The following PCNX1 variants were observed in gnomAD, a reference collection of about 807,000 sequenced individuals.
PCNX1 encodes the protein pecanex 1, also known as pecanex-like protein 1.
In PCNX1, 78 loss-of-function variants were observed where a neutral mutation model predicts 242.2. The ratio of observed to expected loss-of-function variants is 0.32; its 90% confidence interval spans 0.27 to 0.39. PCNX1 has a LOEUF of 0.39. PCNX1 is among the 10% of genes least tolerant of loss of function. PCNX1 has a pLI of 1.00. For missense variants in PCNX1, 2,581 were observed against 2,856.5 expected (o/e 0.90, Z 2.20); for synonymous variants, 1,024 against 1,032.9 (o/e 0.99, Z 0.17).
intron 18 of PCNX1, among the ~76,000 whole-genome samples, chr14:71,035,008 A>G (rs1377628303): frequency 6.6e-6 from 1 of 152,202 alleles, no homozygotes; most frequent in African/African-American, 2.4e-5. Flanking sequence ...TCACATGTCA[A>G]AAGACCAATG....
At chr14:71,085,574 C>G (rs2061966804) in intron 28 of PCNX1, 1 of 153,906 alleles carries the variant, frequency 6.5e-6, no homozygotes, top group Admixed American at 6.5e-5. Flanking sequence ...AGTTCTCTCT[C>G]CCATCCAGAA....
At chr14:71,078,288 A>G (rs766789640) in intron 28 of PCNX1, among the ~76,000 whole-genome samples, 2 of 152,216 alleles carry the variant, frequency 1.3e-5, no homozygotes, top group Non-Finnish European at 2.9e-5. Context: ...CAACATTCCC[A>G]GAATAACCTT....
In PCNX1 at chr14:71,114,645, TGTTCTAA is replaced by T. The variant is rs879067841; in HGVS notation, c.*4712_*4718del. The stretch of plus-strand genomic sequence containing the variant: ...TCACCACAAGGTTATATGACAACTC[TGTTCTAA>T]GACTTATACCTATTATATAGGGTTA... On this transcript the variant is annotated 3_prime_UTR_variant, in exon 36 of 36. Coordinates refer to ENST00000304743, the MANE Select transcript of PCNX1 (RefSeq NM_014982.3). The T allele has an allele frequency of 1.3e-5, 2 of 152,612 alleles. No homozygotes were observed. Among genetic ancestry groups the T allele is most frequent in the South Asian group, 4.1e-4 (2 of 4,820 alleles). The allele number at this position is 152,612 out of a possible 1,614,324, so 9.5% of individuals were successfully genotyped here. A position where few individuals can be genotyped will look rare whatever the true frequency, so the allele number is the denominator to read the frequency against.
chr14:71,106,977 T>G lies in PCNX1; in HGVS notation c.6301+1537T>G, dbSNP rs181965481. Among the ~76,000 whole-genome samples, 7 of 152,300 alleles carry G rather than the reference T, an allele frequency of 4.6e-5. No homozygotes were observed. In the East Asian group the frequency reaches 1.3e-3, roughly 29 times the overall value. ...TGAGAACAACTTACTATTCATTTAT[T>G]TTATCATTAGTACTTTTTATGTCCT... On this transcript the variant is annotated intron_variant, in intron 33 of 35. Coordinates refer to ENST00000304743, the MANE Select transcript of PCNX1 (RefSeq NM_014982.3).
Position 70,907,958 on chromosome 14 carries a change from C to G in PCNX1, c.108C>G (p.Leu36=). ...CCACCTTCGTGAACGCGCTGCACCT[C>G]TACCTGTGGCTCTTTCTGCTGGGCC... ...HQATFVNALH[L]YLWLFLLGLP... Residue 36 remains leucine, a synonymous_variant, in exon 1 of 36, where the codon CTC becomes CTG. Coordinates refer to ENST00000304743, the MANE Select transcript of PCNX1 (RefSeq NM_014982.3). 6.3e-7 allele frequency: 1 copy of G among 1,598,272 alleles called. No homozygotes were observed. The highest frequency in any genetic ancestry group is 1.4e-5 in the African/African-American group (1 of 73,482).
At chr14:71,100,629 C>A (rs2062437513) in intron 30 of PCNX1, among the ~76,000 whole-genome samples, 1 of 152,104 alleles carries the variant, frequency 6.6e-6, no homozygotes, top group African/African-American at 2.4e-5. Context: ...ATCTGGATGT[C>A]CACCTTTCTA....
At position 71,026,126 on chromosome 14, in the gene PCNX1, C is replaced by A; in HGVS notation, c.3193C>A (p.Arg1065Ser). ...AAAATATCATTTTCAGGGTCATAAT[C>A]GTATCATTGCCTACAGTAGACCAGT... The part of the protein sequence containing the change: ...DSSSPRHGHN[R>S]IIAYSRPVYF... The change falls in exon 14 of 36, where the codon CGT becomes AGT. Residue 1065 changes from arginine to serine, a missense_variant. Transcript: ENST00000304743. 1 of 1,579,332 alleles carries A rather than the reference C, an allele frequency of 6.3e-7. No homozygotes were observed. The highest frequency in any genetic ancestry group is 1.2e-5 in the South Asian group (1 of 84,038).
intron 10 of PCNX1, chr14:71,011,760 G>C: frequency 2.0e-6 from 1 of 509,164 alleles, no homozygotes; most frequent in Non-Finnish European, 3.5e-6. Flanking sequence ...AGAAACCCTG[G>C]CATAGAGTAT....
At chr14:71,042,300 T>G (rs551777218) in intron 19 of PCNX1, among the ~76,000 whole-genome samples, 2 of 152,160 alleles carry the variant, frequency 1.3e-5, no homozygotes, top group Non-Finnish European at 1.5e-5. Flanking sequence ...TCTATTGGGG[T>G]CTATCTCATT....
At chr14:71,031,472 C>T (rs1167849486) in intron 16 of PCNX1, among the ~76,000 whole-genome samples, 1 of 152,160 alleles carries the variant, frequency 6.6e-6, no homozygotes, top group Non-Finnish European at 1.5e-5. Flanking sequence ...TCCTTCCTGC[C>T]CTCCCATTCT....
intron 1 of PCNX1, among the ~76,000 whole-genome samples, chr14:70,917,467 C>A (rs1318778139): frequency 6.6e-6 from 1 of 152,202 alleles, no homozygotes; most frequent in Admixed American, 6.5e-5. Flanking sequence ...CATTAATTTT[C>A]TTCTATGTCT....
At chr14:70,996,458 T>TTA (rs758473625) in intron 8 of PCNX1, among the ~76,000 whole-genome samples, 52 of 152,188 alleles carry the variant, frequency 3.4e-4, no homozygotes, top group Non-Finnish European at 6.2e-4. Flanking sequence ...CATAATAACT[T>TTA]TATAAAGTTT....
intron 5 of PCNX1, among the ~76,000 whole-genome samples, chr14:70,975,714 T>A (rs1430238206): frequency 1.3e-5 from 2 of 152,008 alleles, no homozygotes; most frequent in Non-Finnish European, 2.9e-5. Flanking sequence ...ATCAGCTATT[T>A]TGCAGTTTGG....
intron 30 of PCNX1, chr14:71,093,943 A>C (rs1330953165): frequency 6.6e-6 from 1 of 152,214 alleles, no homozygotes; most frequent in Non-Finnish European, 1.5e-5. Context: ...ATAAAATACA[A>C]AATATGTGTT....
intron 28 of PCNX1, among the ~76,000 whole-genome samples, chr14:71,085,065 G>A (rs949249996): frequency 2.6e-5 from 4 of 152,196 alleles, no homozygotes; most frequent in Admixed American, 1.3e-4. Context: ...CTCACGGCAC[G>A]GTCCATCACA....
chr14:71,040,162 T>C (rs1031838157), intron 19 of PCNX1, among the ~76,000 whole-genome samples: 4 of 152,142 alleles, frequency 2.6e-5, no homozygotes, highest in Non-Finnish European at 5.9e-5. Context: ...ACATTTCTTG[T>C]AGTGAAAATC....
At chr14:71,069,834 G>A (rs528595574) in intron 26 of PCNX1, among the ~76,000 whole-genome samples, 85 of 152,314 alleles carry the variant, frequency 5.6e-4, no homozygotes, top group Admixed American at 1.8e-3. Flanking sequence ...GAAGGTTGGG[G>A]CAGCTTTGGC....
At chr14:71,040,525 C>T (rs1446717043) in intron 19 of PCNX1, among the ~76,000 whole-genome samples, 2 of 151,944 alleles carry the variant, frequency 1.3e-5, no homozygotes, top group African/African-American at 2.4e-5. Flanking sequence ...TTCCTCTAAA[C>T]GTTCTTCATT....
intron 30 of PCNX1, among the ~76,000 whole-genome samples, chr14:71,098,183 T>G (rs919571066): frequency 7.2e-5 from 11 of 152,254 alleles, no homozygotes; most frequent in African/African-American, 2.4e-4. Flanking sequence ...TTTTGGTCAC[T>G]GTAGCCTTAT....
Sources: gnomAD v4.1 joint callset for allele counts (sites outside exome capture counted in the v4.1 genomes callset) on GRCh38, gnomAD v4.1.1 for gene constraint, MANE v1.5 for transcripts, NCBI Gene and HGNC (gene_info 2026-07-23, HGNC 2026-07-21) for gene names.